KLHL29: variants seen among roughly 807,000 people sequenced by gnomAD.
KLHL29 encodes kelch like family member 29, also known as kelch-like protein 29.
Under a neutral mutation model 80.4 loss-of-function variants are expected in KLHL29, and 21 were observed. That is an observed-to-expected ratio of 0.26 (90% CI 0.19 to 0.38). KLHL29 has a LOEUF of 0.38. Among genes scored for constraint, KLHL29 ranks in the 10% least tolerant of loss-of-function variants. The pLI, the probability that KLHL29 is intolerant of heterozygous loss-of-function variation, is 1.00. For synonymous variants in KLHL29, 511 were observed against 526.8 expected (o/e 0.97, Z 0.41); for missense variants, 867 against 1,223.9 (o/e 0.71, Z 4.35).
intron 1 of KLHL29, among the ~76,000 whole-genome samples, chr2:23,442,497 A>T (rs1005602075): frequency 2.0e-5 from 3 of 152,172 alleles, no homozygotes; most frequent in Non-Finnish European, 4.4e-5. Flanking sequence ...GTCTTTGAAG[A>T]TGGAGGAAGG....
chr2:23,495,467 T>C (rs1388973735), intron 2 of KLHL29, among the ~76,000 whole-genome samples: 1 of 152,216 alleles, frequency 6.6e-6, no homozygotes. Flanking sequence ...TTCATGAATG[T>C]CTGAAATGTC....
At chr2:23,543,391 C>T (rs552030668) in intron 2 of KLHL29, among the ~76,000 whole-genome samples, 39 of 152,042 alleles carry the variant, frequency 2.6e-4, no homozygotes, top group Non-Finnish European at 5.0e-4. Flanking sequence ...CCGGGATGTG[C>T]GGGAGGGTTA....
At chr2:23,455,003 G>GA (rs545260337) in intron 1 of KLHL29, among the ~76,000 whole-genome samples, 4 of 136,624 alleles carry the variant, frequency 2.9e-5, no homozygotes, top group Middle Eastern at 3.6e-3. Context: ...CAGTGGGTTG[G>GA]GGGGGGGGCA....
intron 2 of KLHL29, among the ~76,000 whole-genome samples, chr2:23,558,877 G>T (rs2103494595): frequency 6.6e-6 from 1 of 152,344 alleles, no homozygotes; most frequent in Middle Eastern, 3.4e-3. Context: ...CAGCACACAG[G>T]TACTGAACAC....
chr2:23,564,352 C>A (rs1312954250), intron 3 of KLHL29, among the ~76,000 whole-genome samples: 1 of 152,208 alleles, frequency 6.6e-6, no homozygotes, highest in Non-Finnish European at 1.5e-5. Context: ...AAAACAACAG[C>A]TGGGGCAAGG....
intron 3 of KLHL29, among the ~76,000 whole-genome samples, chr2:23,581,718 C>T (rs1402552973): frequency 6.7e-6 from 1 of 148,450 alleles, no homozygotes. Context: ...ATCCCAGCTA[C>T]TTGGGAGGCT....
chr2:23,538,718 T>A (rs746349350), intron 2 of KLHL29, among the ~76,000 whole-genome samples: 3 of 152,236 alleles, frequency 2.0e-5, no homozygotes, highest in Non-Finnish European at 4.4e-5. Context: ...TATTTCAGAA[T>A]AAGAGGTTCT....
intron 11 of KLHL29, chr2:23,697,855 C>T (rs1317118041): frequency 5.3e-5 from 8 of 152,174 alleles, no homozygotes; most frequent in Admixed American, 4.6e-4. Flanking sequence ...CTGGAAGCAT[C>T]GGCTTCCGAT....
intron 1 of KLHL29, among the ~76,000 whole-genome samples, chr2:23,421,342 A>T (rs1191807537): frequency 6.6e-6 from 1 of 152,180 alleles, no homozygotes; most frequent in African/African-American, 2.4e-5. Context: ...GCAGAGCCGG[A>T]GGCTGGGCTG....
chr2:23,548,489 C>G (rs557883588), intron 2 of KLHL29, among the ~76,000 whole-genome samples: 5 of 152,232 alleles, frequency 3.3e-5, no homozygotes, highest in African/African-American at 4.8e-5. Flanking sequence ...AGAGTTAGAT[C>G]GTGACCACAT....
intron 5 of KLHL29, chr2:23,643,098 G>A (rs765688346): frequency 1.0e-4 from 68 of 647,966 alleles, no homozygotes; most frequent in Non-Finnish European, 1.4e-5. Flanking sequence ...GGAAGGAAGG[G>A]AGAGCCTGCA....
At position 23,562,076 on chromosome 2, in the gene KLHL29, G is replaced by C. The variant is rs181549372; in HGVS notation, c.-45-76G>C. 3,747 of 1,119,964 alleles carry C rather than the reference G, an allele frequency of 3.3e-3. 8 individuals carry two copies. The highest frequency in any genetic ancestry group is 4.3e-3 in the Non-Finnish European group (3,344 of 783,482). 69.4% of individuals were successfully genotyped at this position (1,119,964 alleles called of 1,614,324 possible). ...AGGCCTGTTATTGAACCCAGAGAAG[G>C]GGCTTCATGGATGCTGTCAGTTGTC... On this transcript the variant is annotated intron_variant, in intron 2 of 13. Coordinates refer to ENST00000486442, the MANE Select transcript of KLHL29 (RefSeq NM_052920.2). The surrounding 1 kb of genome is among the most constrained non-coding windows in gnomAD (Gnocchi z 4.5).
At chr2:23,697,889 AAC>A (rs1672071738) in intron 11 of KLHL29, 1 of 152,200 alleles carries the variant, frequency 6.6e-6, no homozygotes. Flanking sequence ...ATAATAAACA[AAC>A]ACATGAAAAA....
intron 2 of KLHL29, among the ~76,000 whole-genome samples, chr2:23,512,252 C>T (rs1463920705): frequency 6.6e-6 from 1 of 152,062 alleles, no homozygotes; most frequent in African/African-American, 2.4e-5. Flanking sequence ...TCAAGACCAG[C>T]CTGACGCACA....
In KLHL29 at chr2:23,706,080, TTC is replaced by T. The variant is rs143107188; in HGVS notation, c.2445-394_2445-393del. On this transcript the variant is annotated intron_variant, in intron 13 of 13. Transcript: ENST00000486442. ...TCAATTCCAGCTGAGCTCCTTATTA[TTC>T]TCTCTCGTCATTCTTGTGAGTCATG... Among the ~76,000 whole-genome samples the T allele has an allele frequency of 6.0e-3, 920 of 152,308 alleles. 6 individuals carry two copies. The highest frequency in any genetic ancestry group is 0.021 in the African/African-American group (887 of 41,558).
At chr2:23,644,282 A>AG (rs929131181) in intron 5 of KLHL29, 3 of 151,930 alleles carry the variant, frequency 2.0e-5, no homozygotes, top group Non-Finnish European at 4.4e-5. Flanking sequence ...TAAAAAAAAA[A>AG]AAAGAAAGAA....
chr2:23,390,767 T>G (rs1285247853), intron 1 of KLHL29, among the ~76,000 whole-genome samples: 2 of 149,686 alleles, frequency 1.3e-5, no homozygotes, highest in Non-Finnish European at 3.0e-5. Context: ...TTCTCCTGCC[T>G]CAGCCTCCAG....
At chr2:23,456,200 A>G (rs1193423567) in intron 1 of KLHL29, among the ~76,000 whole-genome samples, 1 of 152,234 alleles carries the variant, frequency 6.6e-6, no homozygotes, top group African/African-American at 2.4e-5. Flanking sequence ...TTTTTCTTCC[A>G]AGCAGATTCC....
At chr2:23,486,647 C>G (rs1031639984) in intron 2 of KLHL29, among the ~76,000 whole-genome samples, 2 of 152,118 alleles carry the variant, frequency 1.3e-5, no homozygotes, top group Non-Finnish European at 1.5e-5. Flanking sequence ...ATTCATAACC[C>G]GAGAGATGGG....
Sources: gnomAD v4.1 joint callset for allele counts (sites outside exome capture counted in the v4.1 genomes callset) on GRCh38, gnomAD v4.1.1 for gene constraint, Gnocchi (gnomAD v3.1) non-coding constraint, MANE v1.5 for transcripts, NCBI Gene and HGNC (gene_info 2026-07-23, HGNC 2026-07-21) for gene names.